Variants in MANBA observed in about 807,000 individuals in gnomAD.
The protein encoded by MANBA is mannosidase beta.
MANBA carries 83 observed loss-of-function variants against 111.1 expected under a neutral mutation model. That is an observed-to-expected ratio of 0.75 (90% CI 0.63 to 0.90). The LOEUF is 0.90. Among genes scored for constraint, MANBA ranks in the 40% least tolerant of loss-of-function variants. The probability of loss-of-function intolerance (pLI) is 0.00; values close to 1 mark genes in which losing one functional copy is unlikely to be tolerated. For missense variants in MANBA, 1,036 were observed against 1,069.0 expected (o/e 0.97, Z 0.43); for synonymous variants, 370 against 378.7 (o/e 0.98, Z 0.27).
At chr4:102,687,452 T>C (rs777352017) in intron 7 of MANBA, among the ~76,000 whole-genome samples, 3 of 152,204 alleles carry the variant, frequency 2.0e-5, no homozygotes, top group Non-Finnish European at 2.9e-5. Flanking sequence ...TGCAGGACTT[T>C]GTCCTAGCTA....
intron 13 of MANBA, among the ~76,000 whole-genome samples, chr4:102,645,434 T>C (rs1173895358): frequency 6.6e-6 from 1 of 152,036 alleles, no homozygotes; most frequent in Non-Finnish European, 1.5e-5. Flanking sequence ...TAATGAGGGG[T>C]TTCTTTTAAT....
intron 7 of MANBA, among the ~76,000 whole-genome samples, chr4:102,686,837 C>T (rs972563657): frequency 2.0e-5 from 3 of 152,134 alleles, no homozygotes; most frequent in Non-Finnish European, 4.4e-5. Context: ...TTTCTCTGTG[C>T]CATCCCTGAG....
At chr4:102,644,387 T>C (rs1374891752) in intron 13 of MANBA, among the ~76,000 whole-genome samples, 1 of 152,016 alleles carries the variant, frequency 6.6e-6, no homozygotes. Context: ...AATCAACAGA[T>C]GAGTACATAA....
chr4:102,751,672 CCCAG>C, intron 1 of MANBA: 1 of 542,546 alleles, frequency 1.8e-6, no homozygotes, highest in South Asian at 1.4e-5. Context: ...TACACAGCAC[CCCAG>C]CCAGAGCAAT....
intron 5 of MANBA, among the ~76,000 whole-genome samples, chr4:102,695,221 T>A (rs1002348790): frequency 6.6e-6 from 1 of 151,726 alleles, no homozygotes; most frequent in African/African-American, 2.4e-5. Context: ...TATATTCTCA[T>A]ACAGTCTACT....
At chr4:102,712,216 T>C (rs1722104687) in intron 5 of MANBA, among the ~76,000 whole-genome samples, 1 of 152,176 alleles carries the variant, frequency 6.6e-6, no homozygotes. Flanking sequence ...ATTTAAAAAA[T>C]GTATTTAACC....
chr4:102,728,724 TG>T, intron 1 of MANBA: 1 of 754,138 alleles, frequency 1.3e-6, no homozygotes, highest in Non-Finnish European at 2.1e-6. Flanking sequence ...AGGGGCAGGC[TG>T]GGAGGGGCTG....
At chr4:102,662,412 T>C (rs1356790016) in intron 11 of MANBA, among the ~76,000 whole-genome samples, 1 of 151,814 alleles carries the variant, frequency 6.6e-6, no homozygotes, top group East Asian at 1.9e-4. Context: ...TGGTGGTGCA[T>C]GCCCGTAATC....
At chr4:102,673,847 A>C in intron 8 of MANBA, 72 bp downstream of exon 8, 1 of 1,429,180 alleles carries the variant, frequency 7.0e-7, no homozygotes, top group Non-Finnish European at 9.9e-7. Flanking sequence ...AAGAAAGTAA[A>C]AATGAGTAAA....
At chr4:102,646,398 C>T (rs934791205) in intron 13 of MANBA, among the ~76,000 whole-genome samples, 1 of 152,110 alleles carries the variant, frequency 6.6e-6, no homozygotes, top group Non-Finnish European at 1.5e-5. Flanking sequence ...CCTGGGCCTA[C>T]AGCATCACCT....
At chr4:102,659,134 A>G (rs993911609) in intron 11 of MANBA, 2 of 152,176 alleles carry the variant, frequency 1.3e-5, no homozygotes, top group African/African-American at 4.8e-5. Context: ...AGTATTTCCT[A>G]TTGGCCAGGC....
intron 10 of MANBA, chr4:102,666,242 A>G (rs1304628820): frequency 1.3e-5 from 2 of 152,272 alleles, no homozygotes; most frequent in East Asian, 3.8e-4. Flanking sequence ...TGCATCAAAG[A>G]ACTGAAGATA....
chr4:102,727,563 T>A lies in MANBA; in HGVS notation c.178-880A>T, dbSNP rs1722857447. Reference sequence around the variant, plus strand: ...TTAGCTGAATTTCAAACTGATCACCTGGGGACGAGAGCAATGGGTAATTGA... The same window carrying A: ...TTAGCTGAATTTCAAACTGATCACCAGGGGACGAGAGCAATGGGTAATTGA... On this transcript the variant is annotated intron_variant, in intron 1 of 16. Transcript: ENST00000647097. The A allele has an allele frequency of 1.1e-5, 17 of 1,606,074 alleles. No individual in the cohort carries two copies. In the South Asian group the frequency reaches 1.9e-4, roughly 18 times the overall value.
At chr4:102,659,288 T>C (rs899432133) in intron 11 of MANBA, among the ~76,000 whole-genome samples, 5 of 152,150 alleles carry the variant, frequency 3.3e-5, no homozygotes, top group African/African-American at 9.7e-5. Flanking sequence ...AGCGCAAGGC[T>C]CTTTGGGAAT....
chr4:102,727,704 T>C (rs1722864012), intron 1 of MANBA: 12 of 1,137,716 alleles, frequency 1.1e-5, no homozygotes, highest in Middle Eastern at 2.9e-4. Context: ...AGGATGGTTG[T>C]AGGTTGTGTT....
At chr4:102,655,540 T>G (rs1035266993) in intron 12 of MANBA, among the ~76,000 whole-genome samples, 1 of 152,044 alleles carries the variant, frequency 6.6e-6, no homozygotes, top group African/African-American at 2.4e-5. Context: ...CCAAAAGAAT[T>G]TAATGGGGGA....
intron 11 of MANBA, among the ~76,000 whole-genome samples, chr4:102,659,786 G>A (rs1258947993): frequency 1.3e-5 from 2 of 152,018 alleles, no homozygotes; most frequent in African/African-American, 2.4e-5. Context: ...TTCCCTCTCA[G>A]GTGTGCAATA....
At chr4:102,690,035 C>T (rs1010427105) in intron 6 of MANBA, among the ~76,000 whole-genome samples, 1 of 152,084 alleles carries the variant, frequency 6.6e-6, no homozygotes, top group African/African-American at 2.4e-5. Flanking sequence ...AAGCCAAAAA[C>T]TAAAAATCAT....
intron 1 of MANBA, chr4:102,729,331 A>G (rs1307153398): frequency 1.2e-5 from 9 of 755,830 alleles, no homozygotes; most frequent in Admixed American, 5.2e-5. Flanking sequence ...GATCTGGTAC[A>G]TGCTCTCAGC....
Sources: allele counts gnomAD v4.1 joint callset (sites outside exome capture counted in the v4.1 genomes callset), GRCh38; gene constraint gnomAD v4.1.1; transcripts MANE v1.5; gene names NCBI Gene and HGNC (gene_info 2026-07-23, HGNC 2026-07-21).